Variants in SIRT1 observed in about 807,000 individuals in gnomAD.
The protein encoded by SIRT1 is sirtuin 1.
SIRT1 carries 24 observed loss-of-function variants against 67.9 expected under a neutral mutation model. The observed-to-expected ratio is 0.35, with a 90% confidence interval of 0.26 to 0.50. The LOEUF (loss-of-function observed/expected upper bound fraction) is 0.50. Ranked by LOEUF, SIRT1 falls within the 20% of genes least tolerant of loss-of-function variation. The probability of loss-of-function intolerance (pLI) is 0.98; values close to 1 mark genes in which losing one functional copy is unlikely to be tolerated. For synonymous variants in SIRT1, 378 were observed against 350.7 expected, an observed-to-expected ratio of 1.08 and a Z score of -0.87; for missense variants, 873 against 937.2, an observed-to-expected ratio of 0.93 and a Z score of 0.89.
At chr10:67,913,111 A>G (rs541144451) in intron 8 of SIRT1, 80 bp downstream of exon 8, 3 of 1,382,766 alleles carry the variant, frequency 2.2e-6, no homozygotes, top group Admixed American at 4.9e-5. Context: ...TCGGCAGGTT[A>G]ATCGATAGGG....
In SIRT1 at chr10:67,917,540, C is replaced by T. The variant is rs941097672; in HGVS notation, c.*947C>T. 2 of 152,580 alleles carry T rather than the reference C, an allele frequency of 1.3e-5. No individual in the cohort carries two copies. Among genetic ancestry groups the T allele is most frequent in the African/African-American group, 2.4e-5 (1 of 41,426 alleles). The allele number at this position is 152,580 out of a possible 1,614,324, so 9.5% of individuals were successfully genotyped here. A position where few individuals can be genotyped will look rare whatever the true frequency, so the allele number is the denominator to read the frequency against. ...TGAATCTATAATAATGGTACTTCTA[C>T]TGGGGAGAGTGTAATATTTTGGACT... is the stretch of plus-strand genomic sequence containing the variant. On this transcript the variant is annotated 3_prime_UTR_variant, in exon 9 of 9. Transcript: ENST00000212015.
chr10:67,885,456 T>C (rs2131842856), intron 1 of SIRT1: 1 of 1,139,812 alleles, frequency 8.8e-7, no homozygotes, highest in South Asian at 4.5e-5. Context: ...CTTACTCTTT[T>C]AGCATATTGC....
At chr10:67,886,321 G>A (rs188655209) in intron 1 of SIRT1, among the ~76,000 whole-genome samples, 1 of 151,952 alleles carries the variant, frequency 6.6e-6, no homozygotes, top group African/African-American at 2.4e-5. Flanking sequence ...GGCCGGGCGC[G>A]GTGGCTCTTT....
At chr10:67,894,118 T>G (rs1020841353) in intron 4 of SIRT1, among the ~76,000 whole-genome samples, 1 of 152,172 alleles carries the variant, frequency 6.6e-6, no homozygotes, top group Non-Finnish European at 1.5e-5. Context: ...ACTACACCCC[T>G]CCACCCCATG....
Position 67,884,714 on chromosome 10 carries a change from G to A in SIRT1, c.-8G>A. Reference sequence around the variant, plus strand: ...GCGAGGGAGGAGGGCCAGAGAGGCAGTTGGAAGATGGCGGACGAGGCGGCC... The same window carrying A: ...GCGAGGGAGGAGGGCCAGAGAGGCAATTGGAAGATGGCGGACGAGGCGGCC... On this transcript the variant is annotated 5_prime_UTR_variant, in exon 1 of 9. Coordinates refer to ENST00000212015, the MANE Select transcript of SIRT1 (RefSeq NM_012238.5). The A allele has an allele frequency of 1.6e-6, 2 of 1,228,872 alleles. No individual in the cohort carries two copies. The highest frequency in any genetic ancestry group is 2.0e-6 in the Non-Finnish European group (2 of 986,116). 76.1% of individuals were successfully genotyped at this position (1,228,872 alleles called of 1,614,324 possible).
intron 4 of SIRT1, among the ~76,000 whole-genome samples, chr10:67,903,246 C>T (rs1385284526): frequency 6.6e-6 from 1 of 152,188 alleles, no homozygotes; most frequent in Admixed American, 6.5e-5. Context: ...AGGCCTGTGC[C>T]ACCATGCCCA....
chr10:67,916,418 A>T lies in SIRT1; in HGVS notation c.2069A>T (p.Glu690Val). The change falls in exon 9 of 9, where the codon GAG becomes GTG. Residue 690 changes from glutamate (E) to valine (V), a missense_variant. Around this residue, in one of 3 missense-constraint regions of SIRT1, gnomAD observed 295 missense variants for 294.5 expected, o/e 1.00. Transcript: ENST00000212015. The part of the protein sequence containing the change: ...CQSPSLEEPM[E>V]DESEIEEFYN... ...AGTCCAAGTTTAGAAGAACCCATGG[A>T]GGATGAAAGTGAAATTGAAGAATTC... 1 of 1,614,214 alleles carries T rather than the reference A, an allele frequency of 6.2e-7. No individual in the cohort carries two copies. Among genetic ancestry groups the T allele is most frequent in the Non-Finnish European group, 8.5e-7 (1 of 1,180,032 alleles).
intron 4 of SIRT1, among the ~76,000 whole-genome samples, chr10:67,896,634 A>G (rs1292455793): frequency 1.3e-5 from 2 of 151,912 alleles, no homozygotes; most frequent in East Asian, 3.9e-4. Context: ...GTCTCTACTA[A>G]AAATACAAAA....
intron 7 of SIRT1, 78 bp downstream of exon 7, chr10:67,909,520 A>G (rs1842868296): frequency 8.6e-7 from 1 of 1,169,200 alleles, no homozygotes; most frequent in African/African-American, 1.6e-5. Flanking sequence ...AGACGCTAGT[A>G]ATCTTAACTC....
At chr10:67,903,059 C>T (rs1204588466) in intron 4 of SIRT1, among the ~76,000 whole-genome samples, 12 of 152,118 alleles carry the variant, frequency 7.9e-5, no homozygotes, top group Admixed American at 4.6e-4. Flanking sequence ...TGCCATTGCA[C>T]TCCATCCTGG....
In SIRT1 at chr10:67,916,277, T is replaced by G; in HGVS notation, c.1928T>G (p.Leu643Arg). The G allele has an allele frequency of 6.3e-7, 1 of 1,597,904 alleles. No individual in the cohort carries two copies. Among genetic ancestry groups the G allele is most frequent in the South Asian group, 1.1e-5 (1 of 90,480 alleles). ...ISRRLDGNQY[L>R]FLPPNRYIFH... is the part of the protein sequence containing the mutation. ...TACTGTATTTCAGGTAATCAGTATC[T>G]GTTTTTGCCACCAAATCGTTACATT... Residue 643 changes from leucine to arginine, a missense_variant, in exon 9 of 9, where the codon CTG (leucine) becomes CGG (arginine). Physicochemically the swap from Leu to Arg is moderately radical, Grantham distance 102. Coordinates refer to ENST00000212015, the MANE Select transcript of SIRT1 (RefSeq NM_012238.5).
chr10:67,908,000 CAG>C (rs761347502), intron 5 of SIRT1, 44 bp from the exon 6 acceptor site: 20 of 1,497,664 alleles, frequency 1.3e-5, no homozygotes, highest in South Asian at 3.5e-5. Context: ...GTTCAAGAAA[CAG>C]AAATACTTCT....
chr10:67,911,344 C>T (rs1842895475), intron 7 of SIRT1, among the ~76,000 whole-genome samples: 1 of 152,102 alleles, frequency 6.6e-6, no homozygotes, highest in Admixed American at 6.6e-5. Flanking sequence ...GAGGCGCACA[C>T]CATGCTTGGC....
In SIRT1 at chr10:67,912,127, C is replaced by G. The variant is rs1302750671; in HGVS notation, c.1358-347C>G. ...TATGTACCAAGAACTCTTCTGTGCA[C>G]TTGACTAACTCATTTAATCCTCACC... On this transcript the variant is annotated intron_variant, in intron 7 of 8. Transcript: ENST00000212015. Among the ~76,000 whole-genome samples the G allele has an allele frequency of 3.9e-5, 6 of 152,290 alleles. No individual in the cohort carries two copies. The East Asian group carries it at 9.7e-4, about 25-fold the overall frequency.
At chr10:67,909,008 A>T (rs1842861125) in intron 6 of SIRT1, among the ~76,000 whole-genome samples, 1 of 152,226 alleles carries the variant, frequency 6.6e-6, no homozygotes, top group Non-Finnish European at 1.5e-5. Flanking sequence ...CTCTTAATAT[A>T]TGATGGACTC....
At chr10:67,909,052 T>C (rs1019422817) in intron 6 of SIRT1, among the ~76,000 whole-genome samples, 6 of 152,228 alleles carry the variant, frequency 3.9e-5, no homozygotes, top group Non-Finnish European at 7.3e-5. Context: ...ATAGATATTA[T>C]AACAAGAGCA....
chr10:67,911,510 C>CA lies in SIRT1; in HGVS notation c.1358-960dup, dbSNP rs558275372. On this transcript the variant is annotated intron_variant, in intron 7 of 8. Coordinates refer to ENST00000212015, the MANE Select transcript of SIRT1 (RefSeq NM_012238.5). ...GCCTGGTCCTTAAAAACTTTTCTTT[C>CA]AAAAGCTTTCTGTGGGATAGTATGA... is the stretch of plus-strand genomic sequence containing the variant. Among the ~76,000 whole-genome samples, 24 of 152,098 alleles carry CA rather than the reference C, an allele frequency of 1.6e-4. No homozygotes were observed. In the South Asian group the frequency reaches 5.0e-3, roughly 32 times the overall value.
chr10:67,901,767 C>T (rs1254484308), intron 4 of SIRT1, among the ~76,000 whole-genome samples: 10 of 152,130 alleles, frequency 6.6e-5, no homozygotes, highest in Non-Finnish European at 1.3e-4. Flanking sequence ...AAATGTGGCC[C>T]ACTCCATGTT....
intron 6 of SIRT1, among the ~76,000 whole-genome samples, chr10:67,908,888 C>A (rs544565043): frequency 5.9e-5 from 9 of 152,192 alleles, no homozygotes; most frequent in Admixed American, 5.9e-4. Flanking sequence ...GGCAACAGAA[C>A]AAGACTCCAT....
Sources: gnomAD v4.1 joint callset for allele counts (sites outside exome capture counted in the v4.1 genomes callset) on GRCh38, gnomAD v4.1.1 for gene constraint, gnomAD v4.1.1 regional missense constraint, MANE v1.5 for transcripts, NCBI Gene and HGNC (gene_info 2026-07-23, HGNC 2026-07-21) for gene names.